PARD3B: variants seen among roughly 807,000 people sequenced by gnomAD.
PARD3B encodes the protein partitioning defective 3 homolog B.
In PARD3B, 103 loss-of-function variants were observed where a neutral mutation model predicts 130.2. The observed-to-expected ratio is 0.79, with a 90% CI of 0.67 to 0.93. The LOEUF (loss-of-function observed/expected upper bound fraction) is 0.93. PARD3B is among the 40% of genes least tolerant of loss of function. The pLI is 0.00. For missense variants in PARD3B, 1,609 were observed against 1,499.2 expected, an observed-to-expected ratio of 1.07 and a Z score of -1.21; for synonymous variants, 583 against 553.2, an observed-to-expected ratio of 1.05 and a Z score of -0.76.
intron 18 of PARD3B, among the ~76,000 whole-genome samples, chr2:205,338,783 A>T (rs1260618589): frequency 6.6e-6 from 1 of 152,152 alleles, no homozygotes; most frequent in Non-Finnish European, 1.5e-5. Flanking sequence ...GTCTTTGTTG[A>T]ATTATAGTGA....
intron 2 of PARD3B, among the ~76,000 whole-genome samples, chr2:204,751,464 G>A (rs1229589195): frequency 6.6e-6 from 1 of 152,186 alleles, no homozygotes; most frequent in African/African-American, 2.4e-5. Flanking sequence ...CTGCCTTTTG[G>A]GCAAAGAGGA....
intron 3 of PARD3B, among the ~76,000 whole-genome samples, chr2:204,978,697 C>T (rs568505177): frequency 1.3e-5 from 2 of 152,272 alleles, no homozygotes; most frequent in East Asian, 1.9e-4. Flanking sequence ...CATGGTGTCT[C>T]ATGCCTGTAA....
intron 21 of PARD3B, among the ~76,000 whole-genome samples, chr2:205,535,727 G>C (rs1192662238): frequency 6.6e-6 from 1 of 152,162 alleles, no homozygotes; most frequent in Non-Finnish European, 1.5e-5. Context: ...TCCTCTTCCT[G>C]TGCAAAGTGG....
Position 205,399,606 on chromosome 2 carries a change from T to C in PARD3B, c.2631-1407T>C, listed in dbSNP as rs540806793. On this transcript the variant is annotated intron_variant, in intron 18 of 22. Coordinates refer to ENST00000406610, the MANE Select transcript of PARD3B (RefSeq NM_001302769.2). ...CTGACCTCAGGTGATCCACCTGCCTTGGCCTCCCAAAGTGCTGGGATTACA... is the reference window on the plus strand; with the variant it reads ...CTGACCTCAGGTGATCCACCTGCCTCGGCCTCCCAAAGTGCTGGGATTACA... Among the ~76,000 whole-genome samples the C allele has an allele frequency of 3.3e-5, 5 of 152,270 alleles. No individual in the cohort carries two copies. The South Asian group carries it at 1.0e-3, about 32-fold the overall frequency.
intron 21 of PARD3B, among the ~76,000 whole-genome samples, chr2:205,532,456 C>G (rs1054982230): frequency 1.3e-5 from 2 of 152,156 alleles, no homozygotes. Context: ...ATATCCTTCT[C>G]AAAGCCAACT....
chr2:205,556,268 G>A (rs530136057), intron 22 of PARD3B, among the ~76,000 whole-genome samples: 21 of 152,138 alleles, frequency 1.4e-4, no homozygotes, highest in Non-Finnish European at 2.8e-4. Context: ...GACTGATTGG[G>A]TTCCTATGTT....
At position 204,777,798 on chromosome 2, in the gene PARD3B, T is replaced by C. The variant is rs554283739; in HGVS notation, c.222+91516T>C. Among the ~76,000 whole-genome samples, 256 of 152,232 alleles carry C rather than the reference T, an allele frequency of 1.7e-3. 2 individuals are homozygous for C. The highest frequency in any genetic ancestry group is 6.1e-3 in the African/African-American group (253 of 41,550). On this transcript the variant is annotated intron_variant, in intron 2 of 22. Transcript: ENST00000406610. ...TTGGCTCTGTATCCCTACCCAAATC[T>C]CATCTTGAATTGTAATCCTCATATG... is the stretch of plus-strand genomic sequence containing the variant.
chr2:204,858,256 C>T (rs1180407525), intron 2 of PARD3B, among the ~76,000 whole-genome samples: 2 of 152,028 alleles, frequency 1.3e-5, no homozygotes, highest in South Asian at 2.1e-4. Context: ...CAGAGAGGAT[C>T]ACCTCAATTG....
chr2:205,522,518 T>TAAAATCAAAATA (rs1188928299), intron 21 of PARD3B, among the ~76,000 whole-genome samples: 1 of 152,044 alleles, frequency 6.6e-6, no homozygotes, highest in Non-Finnish European at 1.5e-5. Flanking sequence ...TTAAATTAAT[T>TAAAATCAAAATA]AAAATCAAAA....
At chr2:205,109,263 C>T (rs911844516) in intron 5 of PARD3B, among the ~76,000 whole-genome samples, 4 of 152,182 alleles carry the variant, frequency 2.6e-5, no homozygotes, top group African/African-American at 4.8e-5. Flanking sequence ...CTGGAGGTTT[C>T]GCTCTGTAGT....
At chr2:204,642,458 G>A (rs764960623) in intron 1 of PARD3B, among the ~76,000 whole-genome samples, 1 of 152,174 alleles carries the variant, frequency 6.6e-6, no homozygotes, top group Non-Finnish European at 1.5e-5. Flanking sequence ...TTGCAGGAAA[G>A]GTTGGTAATT....
At chr2:204,785,611 G>A (rs2125461264) in intron 2 of PARD3B, among the ~76,000 whole-genome samples, 1 of 152,220 alleles carries the variant, frequency 6.6e-6, no homozygotes, top group East Asian at 1.9e-4. Context: ...TATGTGTATT[G>A]GTCTCTAGTC....
intron 2 of PARD3B, among the ~76,000 whole-genome samples, chr2:204,824,533 C>G (rs1296533010): frequency 6.6e-6 from 1 of 152,144 alleles, no homozygotes; most frequent in Non-Finnish European, 1.5e-5. Flanking sequence ...TTGAGTACAT[C>G]ATATGCTTCC....
intron 3 of PARD3B, among the ~76,000 whole-genome samples, chr2:204,978,410 C>T (rs557858388): frequency 2.0e-5 from 3 of 152,260 alleles, no homozygotes; most frequent in Admixed American, 6.5e-5. Context: ...TTCTGTGCAA[C>T]AGTTCTCACC....
intron 10 of PARD3B, among the ~76,000 whole-genome samples, chr2:205,127,984 T>TA (rs1232333668): frequency 2.6e-5 from 4 of 152,086 alleles, no homozygotes; most frequent in Non-Finnish European, 5.9e-5. Flanking sequence ...AAAGAAACAA[T>TA]AAAAAGGGGG....
intron 1 of PARD3B, among the ~76,000 whole-genome samples, chr2:204,682,792 G>T (rs1230939614): frequency 6.6e-6 from 1 of 152,144 alleles, no homozygotes. Context: ...CATAATCCCA[G>T]TTCATGGTAG....
At chr2:205,150,199 G>A (rs568956544) in intron 10 of PARD3B, among the ~76,000 whole-genome samples, 37 of 147,708 alleles carry the variant, frequency 2.5e-4, no homozygotes, top group African/African-American at 8.8e-4. Context: ...CCCTTACTAC[G>A]CCAGCCAGGC....
intron 18 of PARD3B, among the ~76,000 whole-genome samples, chr2:205,311,534 G>A (rs370961205): frequency 1.5e-4 from 23 of 152,082 alleles, no homozygotes; most frequent in Non-Finnish European, 2.6e-4. Flanking sequence ...AGCCAAGACC[G>A]TCAAATATTA....
chr2:205,326,877 T>C (rs1195949143), intron 18 of PARD3B, among the ~76,000 whole-genome samples: 4 of 152,126 alleles, frequency 2.6e-5, no homozygotes, highest in Admixed American at 1.3e-4. Flanking sequence ...AGAATAAAAA[T>C]CAATATTAAT....
Sources: allele counts gnomAD v4.1 joint callset (sites outside exome capture counted in the v4.1 genomes callset), GRCh38; gene constraint gnomAD v4.1.1; transcripts MANE v1.5; gene names NCBI Gene and HGNC (gene_info 2026-07-23, HGNC 2026-07-21).